CSMD1: variants seen among roughly 807,000 people sequenced by gnomAD.
CSMD1 encodes CUB and sushi domain-containing protein 1.
In CSMD1, 213 loss-of-function variants were observed where a neutral mutation model predicts 417.5. The ratio of observed to expected loss-of-function variants is 0.51; its 90% CI spans 0.46 to 0.57. The LOEUF (loss-of-function observed/expected upper bound fraction) is 0.57, where lower values mean the gene tolerates loss of function less well. CSMD1 is among the 20% of genes least tolerant of loss of function. The probability of loss-of-function intolerance (pLI) is 0.00; values close to 1 mark genes in which losing one functional copy is unlikely to be tolerated. For synonymous variants in CSMD1, 2,862 were observed against 1,736.8 expected (o/e 1.65, Z -16.11); for missense variants, 6,923 against 4,529.7 (o/e 1.53, Z -15.17).
chr8:4,615,303 C>T (rs372016664), intron 2 of CSMD1, among the ~76,000 whole-genome samples: 120 of 152,268 alleles, frequency 7.9e-4, no homozygotes, highest in African/African-American at 2.1e-3. Flanking sequence ...ATTGGGTTTA[C>T]GCAGTATCTT....
intron 10 of CSMD1, among the ~76,000 whole-genome samples, chr8:3,509,817 A>G (rs1301951595): frequency 1.3e-5 from 2 of 152,074 alleles, no homozygotes; most frequent in Non-Finnish European, 2.9e-5. Flanking sequence ...CCCACCAGCC[A>G]GGTGTGAGGC....
At chr8:4,925,811 T>C (rs1222522236) in intron 1 of CSMD1, among the ~76,000 whole-genome samples, 1 of 152,166 alleles carries the variant, frequency 6.6e-6, no homozygotes, top group Non-Finnish European at 1.5e-5. Flanking sequence ...CCTCCCAAAG[T>C]GTTGGGATTA....
intron 5 of CSMD1, among the ~76,000 whole-genome samples, chr8:3,759,541 G>T (rs1204850656): frequency 6.6e-6 from 1 of 151,930 alleles, no homozygotes; most frequent in Non-Finnish European, 1.5e-5. Context: ...AAGAGATTAT[G>T]GGGCAAATGG....
chr8:3,940,497 CTGTGTGTGTGTGTGTGTGTG>C (rs34005059), intron 5 of CSMD1, among the ~76,000 whole-genome samples: 4 of 145,052 alleles, frequency 2.8e-5, no homozygotes, highest in South Asian at 2.3e-4. Context: ...ATTATTTCCT[CTGTGTGTGTGTGTGTGTGTG>C]TGTGTGTGTG....
At chr8:3,626,390 A>G (rs1796495024) in intron 7 of CSMD1, among the ~76,000 whole-genome samples, 1 of 152,320 alleles carries the variant, frequency 6.6e-6, no homozygotes, top group East Asian at 1.9e-4. Flanking sequence ...GCATTTGACT[A>G]GGCCAGTTTA....
At chr8:3,958,237 C>G (rs1253184680) in intron 5 of CSMD1, among the ~76,000 whole-genome samples, 1 of 151,878 alleles carries the variant, frequency 6.6e-6, no homozygotes, top group Non-Finnish European at 1.5e-5. Context: ...TGAAGATAGA[C>G]TACGTCTTCC....
intron 4 of CSMD1, among the ~76,000 whole-genome samples, chr8:4,009,961 A>G (rs1585126220): frequency 1.1e-5 from 1 of 92,756 alleles, no homozygotes; most frequent in Non-Finnish European, 2.4e-5. Flanking sequence ...TCATCCTCTA[A>G]AAGATCTACA....
chr8:4,129,464 A>C (rs1418544288), intron 3 of CSMD1, among the ~76,000 whole-genome samples: 1 of 152,146 alleles, frequency 6.6e-6, no homozygotes, highest in Non-Finnish European at 1.5e-5. Flanking sequence ...GGGAGATAAA[A>C]ATTGTGAAGT....
chr8:4,588,748 G>A (rs901240956), intron 2 of CSMD1, among the ~76,000 whole-genome samples: 3 of 148,920 alleles, frequency 2.0e-5, no homozygotes, highest in African/African-American at 7.4e-5. Context: ...TTGCACCACT[G>A]CACTCCAGCC....
At chr8:4,095,657 C>T (rs892949963) in intron 3 of CSMD1, among the ~76,000 whole-genome samples, 5 of 152,174 alleles carry the variant, frequency 3.3e-5, no homozygotes, top group Admixed American at 2.6e-4. Flanking sequence ...CCACATTCAA[C>T]AACTGAGGGT....
At chr8:2,945,578 A>G (rs1280751288) in intron 68 of CSMD1, among the ~76,000 whole-genome samples, 2 of 152,226 alleles carry the variant, frequency 1.3e-5, no homozygotes, top group Non-Finnish European at 2.9e-5. Context: ...TAGTGTTGCT[A>G]CATCCTACCT....
At chr8:3,873,346 G>T (rs1375273180) in intron 5 of CSMD1, among the ~76,000 whole-genome samples, 1 of 151,938 alleles carries the variant, frequency 6.6e-6, no homozygotes, top group Non-Finnish European at 1.5e-5. Flanking sequence ...AATGTGATAT[G>T]TATATACCAT....
chr8:3,430,779 C>G (rs982168333), intron 12 of CSMD1, among the ~76,000 whole-genome samples: 2 of 152,060 alleles, frequency 1.3e-5, no homozygotes, highest in African/African-American at 4.8e-5. Flanking sequence ...TGAACTGCAG[C>G]CTGGGTAACA....
At chr8:4,723,483 C>A (rs1213041512) in intron 1 of CSMD1, among the ~76,000 whole-genome samples, 1 of 152,070 alleles carries the variant, frequency 6.6e-6, no homozygotes, top group African/African-American at 2.4e-5. Context: ...AAGTGTGTTA[C>A]CTGACAACAC....
chr8:4,242,402 G>A (rs1343995792), intron 3 of CSMD1, among the ~76,000 whole-genome samples: 1 of 152,074 alleles, frequency 6.6e-6, no homozygotes, highest in Admixed American at 6.6e-5. Flanking sequence ...CCCCCACCCA[G>A]CAAATGAGAA....
At chr8:3,785,732 G>C (rs1043336915) in intron 5 of CSMD1, among the ~76,000 whole-genome samples, 1 of 152,132 alleles carries the variant, frequency 6.6e-6, no homozygotes, top group South Asian at 2.1e-4. Context: ...GGCCCAGGGT[G>C]CGGGGAGCCA....
At chr8:3,284,785 G>GGA (rs1237445788) in intron 25 of CSMD1, 1 of 165,106 alleles carries the variant, frequency 6.1e-6, no homozygotes, top group Non-Finnish European at 1.3e-5. Flanking sequence ...AGCCACAGCA[G>GGA]GAGAAAAGAG....
intron 6 of CSMD1, among the ~76,000 whole-genome samples, chr8:3,713,565 C>G (rs552486604): frequency 1.2e-3 from 187 of 152,272 alleles, no homozygotes; most frequent in Non-Finnish European, 2.1e-3. Context: ...CTTCCAAGAC[C>G]TCTCTTAGGA....
intron 5 of CSMD1, among the ~76,000 whole-genome samples, chr8:3,780,118 C>T (rs1207701312): frequency 6.6e-5 from 10 of 152,132 alleles, no homozygotes; most frequent in Admixed American, 6.5e-4. Context: ...AGAAGGCTTG[C>T]GCTGATATAA....
Sources: allele counts gnomAD v4.1 joint callset (sites outside exome capture counted in the v4.1 genomes callset), GRCh38; gene constraint gnomAD v4.1.1; transcripts MANE v1.5; gene names NCBI Gene and HGNC (gene_info 2026-07-23, HGNC 2026-07-21).